Variants in ART3 observed in about 807,000 individuals in gnomAD.
ART3 encodes ADP-ribosyltransferase 3 (inactive), also known as ecto-ADP-ribosyltransferase 3.
In ART3, 49 loss-of-function variants were observed where a neutral mutation model predicts 48.5. The ratio of observed to expected loss-of-function variants is 1.01; its 90% CI spans 0.80 to 1.28. The LOEUF is 1.28. Among genes scored for constraint, ART3 ranks in the 50% most tolerant of loss-of-function variants. The pLI, the probability that ART3 is intolerant of heterozygous loss-of-function variation, is 0.00. For synonymous variants in ART3, 145 were observed against 157.2 expected (o/e 0.92, Z 0.58); for missense variants, 438 against 454.3 (o/e 0.96, Z 0.33).
intron 4 of ART3, 105 bp downstream of exon 4, chr4:76,097,781 C>T (rs1726344317): frequency 1.1e-6 from 1 of 915,184 alleles, no homozygotes; most frequent in Non-Finnish European, 1.7e-6. Flanking sequence ...TTCTGTCAAA[C>T]ATCATTTTCT....
chr4:76,081,356 A>G (rs576908646), intron 2 of ART3, among the ~76,000 whole-genome samples: 1 of 152,336 alleles, frequency 6.6e-6, no homozygotes, highest in Middle Eastern at 3.4e-3. Flanking sequence ...TACCCAGGCC[A>G]TATGGACAAG....
At chr4:76,085,040 A>G (rs17001355) in intron 3 of ART3, among the ~76,000 whole-genome samples, 2,229 of 152,304 alleles carry the variant, frequency 0.015, 70 homozygotes, top group African/African-American at 0.05. Context: ...GTAATTTGGA[A>G]GCAAAAGAAC....
At chr4:76,023,252 C>T in intron 1 of ART3, 5 of 741,100 alleles carry the variant, frequency 6.7e-6, no homozygotes, top group South Asian at 5.0e-5. Context: ...CTATTTATTT[C>T]CCTCTTATTT....
intron 1 of ART3, chr4:76,034,660 A>T: frequency 1.3e-6 from 1 of 757,216 alleles, no homozygotes; most frequent in Non-Finnish European, 2.2e-6. Context: ...ACTGTACAAA[A>T]GTTGAAAGTC....
intron 11 of ART3, among the ~76,000 whole-genome samples, chr4:76,110,406 G>A (rs532304684): frequency 4.3e-4 from 66 of 152,238 alleles, no homozygotes; most frequent in Non-Finnish European, 8.7e-4. Flanking sequence ...TAAGGGACTT[G>A]AGCATCTGTG....
chr4:76,030,336 G>A (rs775059344), intron 1 of ART3, among the ~76,000 whole-genome samples: 6 of 152,280 alleles, frequency 3.9e-5, no homozygotes, highest in African/African-American at 1.2e-4. Flanking sequence ...GATTACAGGC[G>A]TGAGCCACCG....
At chr4:76,097,797 C>G in intron 4 of ART3, 121 bp downstream of exon 4, 2 of 797,564 alleles carry the variant, frequency 2.5e-6, no homozygotes, top group Non-Finnish European at 4.1e-6. Flanking sequence ...TTTCTCAAGG[C>G]TAAATTGTGC....
At chr4:76,104,682 G>A (rs1728085245) in intron 10 of ART3, 53 bp downstream of exon 10, 2 of 1,543,360 alleles carry the variant, frequency 1.3e-6, no homozygotes, top group Non-Finnish European at 1.8e-6. Flanking sequence ...GGGGAGTACA[G>A]TCACCATTAG....
chr4:76,087,312 C>T (rs915272413), intron 3 of ART3, among the ~76,000 whole-genome samples: 4 of 152,190 alleles, frequency 2.6e-5, no homozygotes, highest in African/African-American at 9.7e-5. Flanking sequence ...GGAGCTATGA[C>T]AGTCAGCCAT....
chr4:76,104,309 C>T (rs1163700286), intron 9 of ART3: 3 of 957,140 alleles, frequency 3.1e-6, no homozygotes, highest in Non-Finnish European at 3.7e-6. Context: ...CACAAGTTGA[C>T]TGTTAGTCTT....
chr4:76,018,566 A>C (rs1732473831), intron 1 of ART3, among the ~76,000 whole-genome samples: 1 of 152,222 alleles, frequency 6.6e-6, no homozygotes, highest in South Asian at 2.1e-4. Context: ...ACAAACCTGC[A>C]TGCGTACTCC....
chr4:76,081,084 G>A lies in ART3; in HGVS notation c.70-740G>A, dbSNP rs1280728888. Among the ~76,000 whole-genome samples, 10 of 152,290 alleles carry A rather than the reference G, an allele frequency of 6.6e-5. No homozygotes were observed. The East Asian group carries it at 1.9e-3, about 29-fold the overall frequency. On this transcript the variant is annotated intron_variant, in intron 2 of 11. Coordinates refer to ENST00000355810, the MANE Select transcript of ART3 (RefSeq NM_001130016.3). The stretch of plus-strand genomic sequence containing the variant: ...AGGGAATTTATTGATTCTTACAACT[G>A]GTGAAGAGTACAGTTAGGCCCAGCG...
intron 1 of ART3, among the ~76,000 whole-genome samples, chr4:76,046,403 C>A (rs1735504117): frequency 6.6e-6 from 1 of 152,058 alleles, no homozygotes; most frequent in African/African-American, 2.4e-5. Flanking sequence ...TTGCACTAGT[C>A]TCCACTGACT....
chr4:76,101,174 T>G (rs1345491028), intron 8 of ART3, among the ~76,000 whole-genome samples, 155 bp downstream of exon 8: 1 of 152,192 alleles, frequency 6.6e-6, no homozygotes, highest in Non-Finnish European at 1.5e-5. Flanking sequence ...CTCCTGGGTT[T>G]CAGGTAGAAT....
At chr4:76,044,593 C>T (rs561673548) in intron 1 of ART3, among the ~76,000 whole-genome samples, 6 of 151,570 alleles carry the variant, frequency 4.0e-5, no homozygotes, top group East Asian at 3.9e-4. Context: ...TTTCTCTCTT[C>T]AACTTCTTTG....
intron 3 of ART3, among the ~76,000 whole-genome samples, chr4:76,083,369 C>T (rs1722897819): frequency 6.6e-6 from 1 of 152,166 alleles, no homozygotes; most frequent in African/African-American, 2.4e-5. Context: ...AATCTTTAGA[C>T]ATCATGTATT....
At chr4:76,050,755 G>A (rs566675914) in intron 1 of ART3, among the ~76,000 whole-genome samples, 3 of 152,310 alleles carry the variant, frequency 2.0e-5, no homozygotes, top group South Asian at 4.1e-4. Context: ...CCATGGAGGG[G>A]GTGGGAGGCT....
In ART3 at chr4:76,059,185, A is replaced by G. The variant is rs770241844; in HGVS notation, c.-9-16696A>G. On this transcript the variant is annotated intron_variant, in intron 1 of 9. Coordinates refer to the ART3 transcript ENST00000341029. The stretch of plus-strand genomic sequence containing the variant: ...GTTATAGTTCACAATGTATGGAGAA[A>G]CCTTTAGACTGAACTTAAAATATGT... 9.4e-5 allele frequency among the ~76,000 whole-genome samples: 13 copies of G among 138,232 alleles called. 1 individual carries two copies. The highest frequency in any genetic ancestry group is 1.9e-4 in the Non-Finnish European group (12 of 63,502). The allele number at this position is 138,232 out of a possible 152,430, so 90.7% of individuals were successfully genotyped here.
chr4:76,104,578 A>T lies in ART3; in HGVS notation c.971-19A>T. ...AGTGGAGCAAACTGTAAGTCATTGG[A>T]AACTTCCTTCTCATTTAGGAATGAA... On this transcript the variant is annotated intron_variant, in intron 9 of 11. Coordinates refer to ENST00000355810, the MANE Select transcript of ART3 (RefSeq NM_001130016.3). The T allele has an allele frequency of 6.4e-7, 1 of 1,551,582 alleles. No homozygotes were observed. The highest frequency in any genetic ancestry group is 8.7e-7 in the Non-Finnish European group (1 of 1,146,902).
Sources: gnomAD v4.1 joint callset for allele counts (sites outside exome capture counted in the v4.1 genomes callset) on GRCh38, gnomAD v4.1.1 for gene constraint, MANE v1.5 for transcripts, NCBI Gene and HGNC (gene_info 2026-07-23, HGNC 2026-07-21) for gene names.